MED27: variants seen among roughly 807,000 people sequenced by gnomAD.
MED27 encodes mediator complex subunit 27, also known as mediator of RNA polymerase II transcription subunit 27.
Under a neutral mutation model 38.2 loss-of-function variants are expected in MED27, and 30 were observed. The observed-to-expected ratio is 0.79, with a 90% CI of 0.59 to 1.07. The LOEUF (loss-of-function observed/expected upper bound fraction) is 1.07. Among genes scored for constraint, MED27 ranks in the 50% least tolerant of loss-of-function variants. MED27 has a pLI of 0.00. For missense variants in MED27, 289 were observed against 397.5 expected (o/e 0.73, Z 2.32); for synonymous variants, 122 against 153.5 (o/e 0.79, Z 1.52).
chr9:131,870,149 A>G (rs1838804915), intron 6 of MED27, among the ~76,000 whole-genome samples: 1 of 152,128 alleles, frequency 6.6e-6, no homozygotes, highest in Admixed American at 6.5e-5. Flanking sequence ...ATCATGAGTT[A>G]TTTTAGCTAA....
At chr9:131,885,336 C>T (rs1839120146) in intron 5 of MED27, among the ~76,000 whole-genome samples, 1 of 152,174 alleles carries the variant, frequency 6.6e-6, no homozygotes, top group Admixed American at 6.5e-5. Context: ...GTGCTCAAAT[C>T]CTGGCTGAGC....
intron 4 of MED27, among the ~76,000 whole-genome samples, chr9:131,927,160 A>G (rs1336535930): frequency 6.6e-6 from 1 of 152,252 alleles, no homozygotes; most frequent in East Asian, 1.9e-4. Flanking sequence ...GAACGGAAGC[A>G]AGATTTATTA....
intron 2 of MED27, among the ~76,000 whole-genome samples, chr9:132,041,787 G>A (rs923153556): frequency 4.6e-5 from 7 of 152,212 alleles, no homozygotes; most frequent in Non-Finnish European, 7.3e-5. Flanking sequence ...AAGCAATTAC[G>A]TGCAAACACG....
intron 3 of MED27, among the ~76,000 whole-genome samples, chr9:132,010,101 T>A (rs1290547114): frequency 6.6e-6 from 1 of 152,242 alleles, no homozygotes; most frequent in Non-Finnish European, 1.5e-5. Context: ...TTGGCTTTGT[T>A]GCCATTGCTT....
chr9:131,910,082 C>T (rs1830159237), intron 4 of MED27, among the ~76,000 whole-genome samples: 1 of 152,102 alleles, frequency 6.6e-6, no homozygotes, highest in African/African-American at 2.4e-5. Flanking sequence ...CAATGATCAC[C>T]ACGATATAAG....
At chr9:131,921,612 T>G (rs1440878794) in intron 4 of MED27, among the ~76,000 whole-genome samples, 1 of 152,346 alleles carries the variant, frequency 6.6e-6, no homozygotes, top group Admixed American at 6.5e-5. Flanking sequence ...TGGAAGACAG[T>G]GTGGCAATTC....
At chr9:131,973,388 T>C (rs990047170) in intron 3 of MED27, among the ~76,000 whole-genome samples, 1 of 152,076 alleles carries the variant, frequency 6.6e-6, no homozygotes, top group Non-Finnish European at 1.5e-5. Flanking sequence ...TTCTGGCCAA[T>C]GAGACATGAA....
intron 2 of MED27, among the ~76,000 whole-genome samples, chr9:132,045,747 C>T (rs917516603): frequency 2.6e-5 from 4 of 152,142 alleles, no homozygotes; most frequent in Admixed American, 2.6e-4. Flanking sequence ...TCTTTGCTGC[C>T]CAGCTAAAAC....
At chr9:131,911,855 A>G (rs905671565) in intron 4 of MED27, among the ~76,000 whole-genome samples, 5 of 152,048 alleles carry the variant, frequency 3.3e-5, no homozygotes, top group African/African-American at 1.2e-4. Context: ...TCCTTTACAT[A>G]TTTTACTTTT....
At chr9:131,942,452 C>A (rs1473309437) in intron 3 of MED27, among the ~76,000 whole-genome samples, 1 of 152,118 alleles carries the variant, frequency 6.6e-6, no homozygotes, top group South Asian at 2.1e-4. Flanking sequence ...CAGTTTCTTC[C>A]GACTCAGCAG....
chr9:132,075,003 C>T (rs925271122), intron 2 of MED27, among the ~76,000 whole-genome samples: 2 of 152,122 alleles, frequency 1.3e-5, no homozygotes, highest in African/African-American at 2.4e-5. Flanking sequence ...GATGTCTGCC[C>T]TAGAAAAAGC....
intron 3 of MED27, among the ~76,000 whole-genome samples, chr9:131,984,414 C>T (rs767233380): frequency 5.9e-5 from 9 of 152,150 alleles, no homozygotes; most frequent in Non-Finnish European, 8.8e-5. Flanking sequence ...AACTCAAGAT[C>T]GACTTGTTTG....
At position 131,872,304 on chromosome 9, in the gene MED27, C is replaced by T. The variant is rs1246740110; in HGVS notation, c.724-9164G>A. 6.6e-6 allele frequency among the ~76,000 whole-genome samples: 1 copy of T among 152,266 alleles called. No homozygotes were observed. The highest frequency in any genetic ancestry group is 1.5e-5 in the Non-Finnish European group (1 of 68,048). ...AACAGAGACGCTCTTCCTAACGCAC[C>T]TGCTGAGGGCATTATCTGCCAGCAC... On this transcript the variant is annotated intron_variant, in intron 6 of 7. Coordinates refer to ENST00000292035, the MANE Select transcript of MED27 (RefSeq NM_004269.4). This position sits in a 1 kb window ranked among gnomAD's most constrained non-coding sequence, Gnocchi z 5.6.
intron 3 of MED27, among the ~76,000 whole-genome samples, chr9:132,006,910 T>C (rs975107462): frequency 6.6e-6 from 1 of 152,230 alleles, no homozygotes; most frequent in Non-Finnish European, 1.5e-5. Flanking sequence ...AGCCTCTGAC[T>C]TTCAAGAACA....
intron 4 of MED27, among the ~76,000 whole-genome samples, chr9:131,902,065 C>T (rs757627049): frequency 2.5e-4 from 38 of 152,174 alleles, no homozygotes; most frequent in Non-Finnish European, 4.4e-4. Flanking sequence ...CTCCTCCAGC[C>T]ACCCAGCAAT....
At chr9:131,974,703 C>T (rs1026822119) in intron 3 of MED27, among the ~76,000 whole-genome samples, 39 of 152,136 alleles carry the variant, frequency 2.6e-4, no homozygotes, top group African/African-American at 7.2e-4. Context: ...ATGTGGAACA[C>T]GGGAGAGAAG....
intron 4 of MED27, among the ~76,000 whole-genome samples, chr9:131,904,830 A>G (rs527928006): frequency 3.7e-4 from 57 of 152,314 alleles, no homozygotes; most frequent in African/African-American, 1.3e-3. Context: ...ATTTCAACAC[A>G]GTGGACTAAT....
intron 2 of MED27, among the ~76,000 whole-genome samples, chr9:132,072,041 C>T (rs1300130929): frequency 2.0e-5 from 3 of 151,970 alleles, no homozygotes; most frequent in Non-Finnish European, 2.9e-5. Context: ...ACCCCGTGAA[C>T]GAGCACACAG....
intron 3 of MED27, among the ~76,000 whole-genome samples, chr9:131,976,809 C>A (rs1831616475): frequency 6.6e-6 from 1 of 152,302 alleles, no homozygotes; most frequent in East Asian, 1.9e-4. Context: ...GTAAACTAAG[C>A]TGGTCCTGTC....
Sources: allele counts gnomAD v4.1 joint callset (sites outside exome capture counted in the v4.1 genomes callset), GRCh38; gene constraint gnomAD v4.1.1; non-coding constraint Gnocchi (gnomAD v3.1); transcripts MANE v1.5; gene names NCBI Gene and HGNC (gene_info 2026-07-23, HGNC 2026-07-21).